Variants in SGMS1 observed in about 807,000 individuals in gnomAD.
SGMS1 encodes sphingomyelin synthase 1, also known as phosphatidylcholine:ceramide cholinephosphotransferase 1.
Under a neutral mutation model 46.2 loss-of-function variants are expected in SGMS1, and 13 were observed. The ratio of observed to expected loss-of-function variants is 0.28; its 90% CI spans 0.18 to 0.45. The LOEUF is 0.45. SGMS1 is among the 20% of genes least tolerant of loss of function. The pLI is 1.00. For missense variants in SGMS1, 324 were observed against 519.9 expected (o/e 0.62, Z 3.66); for synonymous variants, 203 against 187.8 (o/e 1.08, Z -0.66).
intron 6 of SGMS1, among the ~76,000 whole-genome samples, chr10:50,392,033 G>C (rs1418803073): frequency 6.6e-6 from 1 of 151,930 alleles, no homozygotes; most frequent in East Asian, 1.9e-4. Context: ...GCCTACTTGA[G>C]GGTGGAGGGT....
At chr10:50,356,327 ATG>A (rs1848147683) in intron 6 of SGMS1, among the ~76,000 whole-genome samples, 1 of 152,098 alleles carries the variant, frequency 6.6e-6, no homozygotes, top group Admixed American at 6.5e-5. Flanking sequence ...GCGGTGCAAG[ATG>A]TGCTTTGTTA....
chr10:50,440,309 C>A (rs764847179), intron 5 of SGMS1, among the ~76,000 whole-genome samples: 1 of 150,936 alleles, frequency 6.6e-6, no homozygotes, highest in Non-Finnish European at 1.5e-5. Context: ...TTTAAAGTGG[C>A]CTTTCACTCA....
intron 1 of SGMS1, among the ~76,000 whole-genome samples, chr10:50,607,061 C>T (rs1838704228): frequency 6.6e-6 from 1 of 151,264 alleles, no homozygotes; most frequent in African/African-American, 2.4e-5. Flanking sequence ...TCGCTGCAGT[C>T]TCAACTTCTT....
chr10:50,310,021 T>C (rs965186800), intron 9 of SGMS1, among the ~76,000 whole-genome samples: 1 of 152,184 alleles, frequency 6.6e-6, no homozygotes, highest in African/African-American at 2.4e-5. Context: ...GTGATTTTTC[T>C]CTCTTCAAAG....
intron 6 of SGMS1, among the ~76,000 whole-genome samples, chr10:50,412,832 A>C (rs1208097207): frequency 6.6e-6 from 1 of 152,230 alleles, no homozygotes; most frequent in Non-Finnish European, 1.5e-5. Context: ...GACTGATAAG[A>C]AATAGATGAC....
intron 3 of SGMS1, among the ~76,000 whole-genome samples, chr10:50,476,325 A>C (rs1247198699): frequency 6.6e-5 from 1 of 15,238 alleles, no homozygotes. Context: ...GGGAGAGAGG[A>C]GGGGAGGGGA....
chr10:50,596,990 C>G (rs796255656), intron 1 of SGMS1, among the ~76,000 whole-genome samples: 66 of 152,198 alleles, frequency 4.3e-4, no homozygotes, highest in African/African-American at 1.5e-3. Context: ...TTCTCCACCA[C>G]AAAAATAAAA....
At chr10:50,376,790 C>T (rs903181285) in intron 6 of SGMS1, among the ~76,000 whole-genome samples, 1 of 152,130 alleles carries the variant, frequency 6.6e-6, no homozygotes, top group Non-Finnish European at 1.5e-5. Context: ...GCATAGTATT[C>T]CATGGTGTAT....
intron 2 of SGMS1, among the ~76,000 whole-genome samples, chr10:50,523,717 T>C (rs140130003): frequency 8.5e-5 from 13 of 152,296 alleles, no homozygotes; most frequent in East Asian, 7.7e-4. Flanking sequence ...GTTGAGAAAA[T>C]AATTAGAAAA....
intron 5 of SGMS1, among the ~76,000 whole-genome samples, chr10:50,447,772 T>A (rs1469673990): frequency 6.6e-6 from 1 of 152,198 alleles, no homozygotes; most frequent in Non-Finnish European, 1.5e-5. Flanking sequence ...ACTTCAAATC[T>A]ACTCTTTTAT....
intron 6 of SGMS1, among the ~76,000 whole-genome samples, chr10:50,368,028 A>G (rs954770582): frequency 7.2e-5 from 11 of 152,200 alleles, no homozygotes; most frequent in Non-Finnish European, 1.6e-4. Flanking sequence ...ATAGCTTCCA[A>G]TAGATGTCCT....
chr10:50,489,908 A>G (rs1319538037), intron 3 of SGMS1, among the ~76,000 whole-genome samples: 1 of 151,912 alleles, frequency 6.6e-6, no homozygotes, highest in African/African-American at 2.4e-5. Flanking sequence ...CAGGAGGTGG[A>G]GGTTGCAGTG....
chr10:50,347,911 G>A (rs1419153750), intron 6 of SGMS1, among the ~76,000 whole-genome samples: 15 of 152,102 alleles, frequency 9.9e-5, no homozygotes, highest in Non-Finnish European at 1.6e-4. Context: ...GTGCTGACAC[G>A]CAGGTTTGTT....
intron 3 of SGMS1, among the ~76,000 whole-genome samples, chr10:50,494,764 C>T (rs576990614): frequency 3.9e-5 from 6 of 152,204 alleles, no homozygotes; most frequent in Non-Finnish European, 7.4e-5. Flanking sequence ...AGGCCGGGCG[C>T]GGTGGCTCAC....
intron 5 of SGMS1, among the ~76,000 whole-genome samples, chr10:50,453,857 G>GGGAA (rs1837153156): frequency 1.4e-5 from 1 of 69,258 alleles, no homozygotes; most frequent in South Asian, 6.8e-4. Flanking sequence ...GAGGGAGGGA[G>GGGAA]GGAGGGAGGA....
At chr10:50,560,407 A>G (rs974681932) in intron 2 of SGMS1, among the ~76,000 whole-genome samples, 3 of 139,100 alleles carry the variant, frequency 2.2e-5, no homozygotes, top group African/African-American at 7.9e-5. Flanking sequence ...ATATTATAAT[A>G]CATATATTAC....
At chr10:50,382,420 A>G (rs1430449443) in intron 6 of SGMS1, among the ~76,000 whole-genome samples, 1 of 152,148 alleles carries the variant, frequency 6.6e-6, no homozygotes. Context: ...GATACAAGTT[A>G]CCCCTGGTGA....
At chr10:50,329,292 A>C (rs888420646) in intron 7 of SGMS1, among the ~76,000 whole-genome samples, 2 of 152,244 alleles carry the variant, frequency 1.3e-5, no homozygotes, top group African/African-American at 4.8e-5. Context: ...AGACAAATAC[A>C]TAAAATTGTT....
Position 50,307,830 on chromosome 10 carries a change from G to A in SGMS1, c.1062+152C>T. 2 of 688,748 alleles carry A rather than the reference G, an allele frequency of 2.9e-6. No individual in the cohort carries two copies. The highest frequency in any genetic ancestry group is 2.8e-5 in the East Asian group (1 of 36,102). The allele number at this position is 688,748 out of a possible 1,614,324, so 42.7% of individuals were successfully genotyped here. A position where few individuals can be genotyped will look rare whatever the true frequency, so the allele number is the denominator to read the frequency against. On this transcript the variant is annotated intron_variant, in intron 10 of 10. Coordinates refer to ENST00000361781, the MANE Select transcript of SGMS1 (RefSeq NM_147156.4). The surrounding 1 kb of genome is among the most constrained non-coding windows in gnomAD (Gnocchi z 4.2). ...AACTTTTTATTCTTAATTCTGAAGAGAATCAATGTCACAAAAAAACAATAC... is the reference window on the plus strand; with the variant it reads ...AACTTTTTATTCTTAATTCTGAAGAAAATCAATGTCACAAAAAAACAATAC...
Sources: allele counts gnomAD v4.1 joint callset (sites outside exome capture counted in the v4.1 genomes callset), GRCh38; gene constraint gnomAD v4.1.1; non-coding constraint Gnocchi (gnomAD v3.1); transcripts MANE v1.5; gene names NCBI Gene and HGNC (gene_info 2026-07-23, HGNC 2026-07-21).